Variants in ESR1 observed in about 807,000 individuals in gnomAD.
The protein encoded by ESR1 is estrogen receptor 1, also known as estrogen receptor.
ESR1 carries 12 observed loss-of-function variants against 52.7 expected under a neutral mutation model. The ratio of observed to expected loss-of-function variants is 0.23; its 90% CI spans 0.15 to 0.37. The LOEUF is 0.37. Ranked by LOEUF, ESR1 falls within the 10% of genes least tolerant of loss-of-function variation. The pLI, the probability that ESR1 is intolerant of heterozygous loss-of-function variation, is 1.00. For synonymous variants in ESR1, 305 were observed against 316.8 expected (o/e 0.96, Z 0.39); for missense variants, 584 against 779.7 (o/e 0.75, Z 2.99).
chr6:151,891,522 G>T (rs986298255), intron 3 of ESR1, among the ~76,000 whole-genome samples: 1 of 152,068 alleles, frequency 6.6e-6, no homozygotes, highest in African/African-American at 2.4e-5. Flanking sequence ...TCAGGCTAAT[G>T]GGTAGTTTTT....
intron 2 of ESR1, among the ~76,000 whole-genome samples, chr6:151,703,082 G>A (rs1380526368): frequency 2.6e-5 from 4 of 152,328 alleles, no homozygotes; most frequent in Middle Eastern, 3.4e-3. Context: ...GCCAGTGGAC[G>A]AAACCTGACT....
intron 2 of ESR1, among the ~76,000 whole-genome samples, chr6:151,719,117 T>C (rs1270174927): frequency 6.6e-6 from 1 of 152,320 alleles, no homozygotes; most frequent in East Asian, 1.9e-4. Context: ...GTCAAAGTAG[T>C]GTTCTGGATG....
intron 4 of ESR1, among the ~76,000 whole-genome samples, chr6:151,996,669 A>C (rs979671247): frequency 6.6e-6 from 1 of 152,114 alleles, no homozygotes; most frequent in Non-Finnish European, 1.5e-5. Context: ...AGACAGTGAT[A>C]AGCATGCGTA....
intron 1 of ESR1, among the ~76,000 whole-genome samples, chr6:151,824,629 A>T (rs1022985512): frequency 3.3e-5 from 5 of 152,194 alleles, no homozygotes; most frequent in African/African-American, 1.2e-4. Flanking sequence ...GAAGAAGGAT[A>T]CTTAAAGTAT....
At chr6:152,045,982 C>T (rs893651432) in intron 5 of ESR1, among the ~76,000 whole-genome samples, 3 of 152,132 alleles carry the variant, frequency 2.0e-5, no homozygotes, top group Middle Eastern at 3.2e-3. Flanking sequence ...ACTGGAATAA[C>T]ACCTGAGATC....
intron 2 of ESR1, among the ~76,000 whole-genome samples, chr6:151,762,369 A>ATAAC (rs1267327384): frequency 6.6e-6 from 1 of 152,176 alleles, no homozygotes; most frequent in Non-Finnish European, 1.5e-5. Context: ...TAGGCTTTGC[A>ATAAC]AGTTATTTTT....
intron 2 of ESR1, among the ~76,000 whole-genome samples, chr6:151,719,341 G>A (rs747354286): frequency 1.3e-5 from 2 of 152,204 alleles, no homozygotes; most frequent in South Asian, 4.1e-4. Flanking sequence ...GGCTGTGTGG[G>A]TGTGGAGGAA....
Position 151,917,452 on chromosome 6 carries a change from G to A in ESR1, c.761-26721G>A, listed in dbSNP as rs1451473791. The stretch of plus-strand genomic sequence containing the variant: ...AGACTCTTATAGAACAGCTTGCCAC[G>A]GCTGTCTCTAGAAATGTTTTTATTA... On this transcript the variant is annotated intron_variant, in intron 3 of 7. Transcript: ENST00000206249. Among the ~76,000 whole-genome samples, 6 of 152,180 alleles carry A rather than the reference G, an allele frequency of 3.9e-5. No individual in the cohort carries two copies. The East Asian group carries it at 5.8e-4, about 15-fold the overall frequency.
intron 4 of ESR1, among the ~76,000 whole-genome samples, chr6:151,947,240 A>C (rs1240968482): frequency 6.6e-6 from 1 of 152,042 alleles, no homozygotes; most frequent in Non-Finnish European, 1.5e-5. Flanking sequence ...AATTGCTTGA[A>C]CCTGGGAGGC....
rs1791812241 is a variant in ESR1, at chr6:151,876,330, C to T, written c.644-4325C>T. ...TGTGAGAGAGTCAAGTCTTGATGGA[C>T]AGGGGCAGGTGGACATTCAGGAAAC... On this transcript the variant is annotated intron_variant, in intron 2 of 7. Coordinates refer to ENST00000206249, the MANE Select transcript of ESR1 (RefSeq NM_000125.4). Among the ~76,000 whole-genome samples the T allele has an allele frequency of 3.3e-5, 5 of 152,010 alleles. No individual in the cohort carries two copies. In the South Asian group the frequency reaches 1.0e-3, roughly 32 times the overall value.
intron 2 of ESR1, among the ~76,000 whole-genome samples, chr6:151,864,892 A>T (rs1789575523): frequency 7.2e-6 from 1 of 138,860 alleles, no homozygotes; most frequent in African/African-American, 2.7e-5. Context: ...GAACAATAAG[A>T]ACACTTGGAC....
intron 2 of ESR1, among the ~76,000 whole-genome samples, chr6:151,705,552 A>G (rs1780125109): frequency 6.6e-6 from 1 of 152,204 alleles, no homozygotes; most frequent in Admixed American, 6.5e-5. Flanking sequence ...AGAACTGACT[A>G]CAATATAATA....
chr6:151,873,512 G>A (rs1361996683), intron 2 of ESR1, among the ~76,000 whole-genome samples: 2 of 152,124 alleles, frequency 1.3e-5, no homozygotes, highest in African/African-American at 2.4e-5. Flanking sequence ...GAGCAGGAAC[G>A]GCTCTTGGAA....
At chr6:152,030,395 C>A (rs1358161963) in intron 5 of ESR1, among the ~76,000 whole-genome samples, 1 of 151,996 alleles carries the variant, frequency 6.6e-6, no homozygotes, top group Non-Finnish European at 1.5e-5. Context: ...GGAAACCCAT[C>A]TCACGTGCAG....
At chr6:151,928,160 C>T (rs762166429) in intron 3 of ESR1, among the ~76,000 whole-genome samples, 1 of 152,126 alleles carries the variant, frequency 6.6e-6, no homozygotes, top group East Asian at 1.9e-4. Context: ...TTCAGATGCT[C>T]CTTGACTTAT....
At chr6:152,047,800 G>A (rs1296347762) in intron 5 of ESR1, among the ~76,000 whole-genome samples, 1 of 152,026 alleles carries the variant, frequency 6.6e-6, no homozygotes, top group Non-Finnish European at 1.5e-5. Context: ...TCTGAAAACT[G>A]CTCTGATGTC....
upstream of ESR1, among the ~76,000 whole-genome samples, chr6:151,686,548 C>A (rs936062052): frequency 3.3e-5 from 5 of 152,262 alleles, no homozygotes; most frequent in East Asian, 1.9e-4. Context: ...ATTAGCCGGG[C>A]GTGGCGGCGG....
chr6:151,766,434 T>C (rs997245770), intron 2 of ESR1, among the ~76,000 whole-genome samples: 1 of 151,936 alleles, frequency 6.6e-6, no homozygotes, highest in African/African-American at 2.4e-5. Context: ...TGAGCCAAGA[T>C]TGCACCACTG....
chr6:151,899,736 A>G (rs1317392448), intron 3 of ESR1, among the ~76,000 whole-genome samples: 1 of 150,020 alleles, frequency 6.7e-6, no homozygotes. Flanking sequence ...GGCCCGGCAG[A>G]GACGCTCCTC....
Sources: allele counts gnomAD v4.1 joint callset (sites outside exome capture counted in the v4.1 genomes callset), GRCh38; gene constraint gnomAD v4.1.1; transcripts MANE v1.5; gene names NCBI Gene and HGNC (gene_info 2026-07-23, HGNC 2026-07-21).